The following NDST1 variants were observed in gnomAD, a reference collection of about 807,000 sequenced individuals.
NDST1 encodes bifunctional heparan sulfate N-deacetylase/N-sulfotransferase 1.
A neutral mutation model predicts 92.8 loss-of-function variants in NDST1; 35 were observed. The observed-to-expected ratio is 0.38, with a 90% CI of 0.29 to 0.50. NDST1 has a LOEUF of 0.50. NDST1 is among the 20% of genes least tolerant of loss of function. The probability of loss-of-function intolerance (pLI) is 0.94; values close to 1 mark genes in which losing one functional copy is unlikely to be tolerated. For synonymous variants in NDST1, 493 were observed against 500.3 expected (o/e 0.99, Z 0.19); for missense variants, 822 against 1,182.7 (o/e 0.69, Z 4.47).
Position 150,553,722 on chromosome 5 carries a change from TG to T in NDST1, c.*391del. 2.4e-6 allele frequency: 1 copy of T among 416,000 alleles called. No individual in the cohort carries two copies. The highest frequency in any genetic ancestry group is 2.2e-5 in the South Asian group (1 of 45,318). The allele number at this position is 416,000 out of a possible 1,614,324, so 25.8% of individuals were successfully genotyped here. A position where few individuals can be genotyped will look rare whatever the true frequency, so the allele number is the denominator to read the frequency against. On this transcript the variant is annotated 3_prime_UTR_variant, in exon 15 of 15. Coordinates refer to ENST00000261797, the MANE Select transcript of NDST1 (RefSeq NM_001543.5). The surrounding 1 kb of genome is among the most constrained non-coding windows in gnomAD (Gnocchi z 4.2). ...CTCAGTATTCGCTGCCATATGTCCC[TG>T]TCCTCCAGGCTGTAGGGGAGGAGAG...
At chr5:150,531,009 C>G (rs574209021) in intron 3 of NDST1, among the ~76,000 whole-genome samples, 1 of 152,162 alleles carries the variant, frequency 6.6e-6, no homozygotes, top group African/African-American at 2.4e-5. Context: ...TTGCAAAGTG[C>G]TTCTCCAGCC....
At chr5:150,550,668 A>G (rs1257028514) in intron 13 of NDST1, 1 of 152,240 alleles carries the variant, frequency 6.6e-6, no homozygotes, top group Non-Finnish European at 1.5e-5. Context: ...TGCAACAAGA[A>G]TATTCCGTCT....
rs150082989 is a variant in NDST1, at chr5:150,519,632, G to A, written c.-387-1236G>A. Among the ~76,000 whole-genome samples, 211 of 152,050 alleles carry A rather than the reference G, an allele frequency of 1.4e-3. 5 individuals carry two copies. Among genetic ancestry groups the A allele is most frequent in the East Asian group, 7.7e-4 (4 of 5,166 alleles). ...AAACTGGGGAGGCGGAGGTGGCAGC[G>A]AGCCGAGATTGCACCATTGTCTAGC... On this transcript the variant is annotated intron_variant, in intron 1 of 14. Coordinates refer to ENST00000261797, the MANE Select transcript of NDST1 (RefSeq NM_001543.5).
intron 11 of NDST1, 137 bp from the exon 12 acceptor site, chr5:150,548,081 G>C (rs906286215): frequency 1.0e-6 from 1 of 954,664 alleles, no homozygotes; most frequent in Non-Finnish European, 1.6e-6. Flanking sequence ...CACAGTGAGA[G>C]GCAGAGCCAG....
intron 1 of NDST1, among the ~76,000 whole-genome samples, chr5:150,512,244 GTGTGT>G (rs1232192862): frequency 1.3e-5 from 2 of 152,136 alleles, no homozygotes; most frequent in Non-Finnish European, 2.9e-5. Context: ...AATGTGGTGT[GTGTGT>G]TGGGGGGGCA....
rs1561611928 is a variant in NDST1, at chr5:150,553,743, G to A, written c.*411G>A. 4 of 417,104 alleles carry A rather than the reference G, an allele frequency of 9.6e-6. No individual in the cohort carries two copies. In the East Asian group the frequency reaches 1.9e-4, roughly 20 times the overall value. The allele number at this position is 417,104 out of a possible 1,614,324, so 25.8% of individuals were successfully genotyped here. Reference sequence around the variant, plus strand: ...TCCCTGTCCTCCAGGCTGTAGGGGAGGAGAGCCTGGCCGGGGGAGACAGAC... The same window carrying A: ...TCCCTGTCCTCCAGGCTGTAGGGGAAGAGAGCCTGGCCGGGGGAGACAGAC... On this transcript the variant is annotated 3_prime_UTR_variant, in exon 15 of 15. Transcript: ENST00000261797. This position sits in a 1 kb window ranked among gnomAD's most constrained non-coding sequence, Gnocchi z 4.2.
chr5:150,510,916 G>A (rs796106957), intron 1 of NDST1, among the ~76,000 whole-genome samples: 2 of 152,362 alleles, frequency 1.3e-5, no homozygotes, highest in African/African-American at 2.4e-5. Flanking sequence ...AAGGAATGGA[G>A]AAAGGGATGT....
At chr5:150,548,614 A>G (rs1159346321) in intron 12 of NDST1, among the ~76,000 whole-genome samples, 1 of 151,586 alleles carries the variant, frequency 6.6e-6, no homozygotes, top group African/African-American at 2.4e-5. Context: ...TCAGCTCACT[A>G]TAGCCTCGAT....
At chr5:150,548,437 C>T (rs1395356189) in intron 12 of NDST1, 49 bp downstream of exon 12, 3 of 1,591,660 alleles carry the variant, frequency 1.9e-6, no homozygotes, top group South Asian at 1.1e-5. Context: ...TACTGGCTTG[C>T]TGTGGTTAGC....
intron 1 of NDST1, among the ~76,000 whole-genome samples, chr5:150,515,389 C>G (rs2151259558): frequency 6.6e-6 from 1 of 152,314 alleles, no homozygotes; most frequent in African/African-American, 2.4e-5. Context: ...CTGTGCAAGC[C>G]AAAGAGCACA....
chr5:150,517,687 C>T (rs1057395330), intron 1 of NDST1, among the ~76,000 whole-genome samples: 5 of 152,122 alleles, frequency 3.3e-5, no homozygotes, highest in African/African-American at 4.8e-5. Flanking sequence ...TTTTTTAATG[C>T]GCATATTTTT....
chr5:150,533,617 C>T (rs2151286383), intron 4 of NDST1, among the ~76,000 whole-genome samples: 1 of 152,276 alleles, frequency 6.6e-6, no homozygotes, highest in African/African-American at 2.4e-5. Flanking sequence ...GTGACCATTC[C>T]CCCTAGCTGC....
Position 150,531,500 on chromosome 5 carries a change from C to CTTTTTTTTT in NDST1, c.1009-1436_1009-1428dup, listed in dbSNP as rs35747232. ...ACAGGTTTCTTTTTTCTTTTTCTCT[C>CTTTTTTTTT]TTTTTTTTTTTTTTTTTGAGATGGA... is the stretch of plus-strand genomic sequence containing the variant. On this transcript the variant is annotated intron_variant, in intron 3 of 14. Transcript: ENST00000261797. Among the ~76,000 whole-genome samples the CTTTTTTTTT allele has an allele frequency of 2.6e-4, 34 of 131,130 alleles. No individual in the cohort carries two copies. In the East Asian group the frequency reaches 2.9e-3, roughly 11 times the overall value. 86.0% of individuals were successfully genotyped at this position (131,130 alleles called of 152,430 possible).
At chr5:150,548,576 G>A (rs996683131) in intron 12 of NDST1, among the ~76,000 whole-genome samples, 188 bp downstream of exon 12, 2 of 152,064 alleles carry the variant, frequency 1.3e-5, no homozygotes, top group African/African-American at 4.8e-5. Flanking sequence ...TCACTCTGTT[G>A]CCCAGGCTGG....
intron 10 of NDST1, 33 bp downstream of exon 10, chr5:150,543,004 G>A (rs775091366): frequency 3.1e-6 from 5 of 1,613,152 alleles, no homozygotes; most frequent in Non-Finnish European, 4.2e-6. Context: ...AGCGGGACGG[G>A]AAGGCCATCC....
At chr5:150,537,975 T>G (rs899032320) in intron 6 of NDST1, among the ~76,000 whole-genome samples, 1 of 152,142 alleles carries the variant, frequency 6.6e-6, no homozygotes, top group Non-Finnish European at 1.5e-5. Flanking sequence ...TATACAGTGG[T>G]CAGATGGTGA....
chr5:150,554,274 A>AT lies in NDST1; in HGVS notation c.*946dup. 2.7e-6 allele frequency: 1 copy of AT among 367,118 alleles called. No homozygotes were observed. The highest frequency in any genetic ancestry group is 4.8e-6 in the Non-Finnish European group (1 of 210,010). 22.7% of individuals were successfully genotyped at this position (367,118 alleles called of 1,614,324 possible). On this transcript the variant is annotated 3_prime_UTR_variant, in exon 15 of 15. Transcript: ENST00000261797. ...TACTAAGAAGCTAAAATATTTTAATATTTTGTTTTTTTTTTTCTTGGTGCC... is the reference window on the plus strand; with the variant it reads ...TACTAAGAAGCTAAAATATTTTAATATTTTTGTTTTTTTTTTTCTTGGTGCC...
chr5:150,542,091 A>G lies in NDST1; in HGVS notation c.1846+425A>G, dbSNP rs184402706. On this transcript the variant is annotated intron_variant, in intron 9 of 14. Transcript: ENST00000261797. ...TGTCATCCATACAACCCTGCAAGGC[A>G]CAAATGGGCACTCCCATTTTGTAGA... Among the ~76,000 whole-genome samples the G allele has an allele frequency of 1.9e-3, 283 of 152,344 alleles. 1 individual carries two copies. Among genetic ancestry groups the G allele is most frequent in the Non-Finnish European group, 2.8e-3 (191 of 68,032 alleles).
intron 1 of NDST1, among the ~76,000 whole-genome samples, chr5:150,512,995 G>A (rs1382009441): frequency 6.6e-6 from 1 of 152,166 alleles, no homozygotes; most frequent in Non-Finnish European, 1.5e-5. Flanking sequence ...TTGAGACCAG[G>A]AGTTCAAGAC....
Sources: gnomAD v4.1 joint callset for allele counts (sites outside exome capture counted in the v4.1 genomes callset) on GRCh38, gnomAD v4.1.1 for gene constraint, Gnocchi (gnomAD v3.1) non-coding constraint, MANE v1.5 for transcripts, NCBI Gene and HGNC (gene_info 2026-07-23, HGNC 2026-07-21) for gene names.